BTBD9: variants seen among roughly 807,000 people sequenced by gnomAD.
The protein encoded by BTBD9 is BTB/POZ domain-containing protein 9.
BTBD9 carries 49 observed loss-of-function variants against 64.3 expected under a neutral mutation model. The observed-to-expected ratio is 0.76, with a 90% confidence interval of 0.61 to 0.97. The LOEUF is 0.97. BTBD9 is among the 50% of genes least tolerant of loss of function. The pLI is 0.00. For missense variants in BTBD9, 598 were observed against 762.1 expected, an observed-to-expected ratio of 0.78 and a Z score of 2.53; for synonymous variants, 260 against 274.7, an observed-to-expected ratio of 0.95 and a Z score of 0.53.
chr6:38,285,666 C>T (rs941603238), intron 8 of BTBD9, among the ~76,000 whole-genome samples: 3 of 152,070 alleles, frequency 2.0e-5, no homozygotes, highest in Non-Finnish European at 2.9e-5. Context: ...TCAGAACAAA[C>T]ATAATAAAGA....
At chr6:38,328,050 T>A (rs1763509993) in intron 7 of BTBD9, among the ~76,000 whole-genome samples, 1 of 152,226 alleles carries the variant, frequency 6.6e-6, no homozygotes. Flanking sequence ...ATAACTTTTT[T>A]AAAATTAACT....
chr6:38,560,354 A>G (rs1775211771), intron 6 of BTBD9, among the ~76,000 whole-genome samples: 1 of 152,178 alleles, frequency 6.6e-6, no homozygotes, highest in Non-Finnish European at 1.5e-5. Context: ...AATCAAAACC[A>G]CAATGCGATA....
chr6:38,323,555 C>T (rs1417467742), intron 7 of BTBD9, among the ~76,000 whole-genome samples: 3 of 152,078 alleles, frequency 2.0e-5, no homozygotes, highest in Non-Finnish European at 1.5e-5. Flanking sequence ...TGTTTTGTGG[C>T]AAAAATTTAG....
rs987600965 is a variant in BTBD9 at position 38,174,689 on chromosome 6, T to C, written c.*296A>G. 1 of 418,654 alleles carries C rather than the reference T, an allele frequency of 2.4e-6. No homozygotes were observed. Among genetic ancestry groups the C allele is most frequent in the Admixed American group, 4.1e-5 (1 of 24,684 alleles). The allele number at this position is 418,654 out of a possible 1,614,324, so 25.9% of individuals were successfully genotyped here. On this transcript the variant is annotated 3_prime_UTR_variant, in exon 11 of 11. Transcript: ENST00000481247. ...CAGGCCTGTCTATGACTTCCTCCTGTTCCCTGCGCCTGGGCTAGATTAGAG... is the reference window on the plus strand; with the variant it reads ...CAGGCCTGTCTATGACTTCCTCCTGCTCCCTGCGCCTGGGCTAGATTAGAG...
intron 6 of BTBD9, among the ~76,000 whole-genome samples, chr6:38,534,749 C>A (rs1773947984): frequency 6.6e-6 from 1 of 152,016 alleles, no homozygotes; most frequent in African/African-American, 2.4e-5. Flanking sequence ...TACATCATAT[C>A]AACAGAATGA....
At chr6:38,268,430 G>T (rs1015749542) in intron 8 of BTBD9, among the ~76,000 whole-genome samples, 10 of 152,126 alleles carry the variant, frequency 6.6e-5, no homozygotes, top group African/African-American at 2.4e-4. Flanking sequence ...GTATTCTCTT[G>T]ACCTGGTGAT....
At chr6:38,441,384 T>C (rs964180605) in intron 6 of BTBD9, among the ~76,000 whole-genome samples, 1 of 152,064 alleles carries the variant, frequency 6.6e-6, no homozygotes, top group East Asian at 1.9e-4. Context: ...TGAGATGCTA[T>C]AGAGAGTTAC....
chr6:38,545,332 T>A (rs1774484302), intron 6 of BTBD9, among the ~76,000 whole-genome samples: 2 of 152,112 alleles, frequency 1.3e-5, no homozygotes, highest in East Asian at 3.9e-4. Context: ...CTCTGGTGAT[T>A]ACAGGCGTGA....
intron 8 of BTBD9, among the ~76,000 whole-genome samples, chr6:38,287,396 C>T (rs1761784050): frequency 6.6e-6 from 1 of 152,080 alleles, no homozygotes; most frequent in Admixed American, 6.5e-5. Flanking sequence ...CCGCCCACCT[C>T]CGCCTCCCAA....
At chr6:38,261,832 A>G (rs892139121) in intron 8 of BTBD9, among the ~76,000 whole-genome samples, 1 of 152,194 alleles carries the variant, frequency 6.6e-6, no homozygotes. Context: ...TCCTGAGTGG[A>G]AAAGGGACAC....
At chr6:38,351,328 C>CTA (rs1764497066) in intron 6 of BTBD9, among the ~76,000 whole-genome samples, 1 of 152,146 alleles carries the variant, frequency 6.6e-6, no homozygotes, top group African/African-American at 2.4e-5. Flanking sequence ...GCAAAGGGAG[C>CTA]TATCATGTCC....
chr6:38,319,631 C>CG (rs1763160322), intron 7 of BTBD9, among the ~76,000 whole-genome samples: 1 of 151,768 alleles, frequency 6.6e-6, no homozygotes, highest in Non-Finnish European at 1.5e-5. Context: ...TGCCCAGTGT[C>CG]CTATTCTACT....
At chr6:38,498,852 C>T (rs1019360566) in intron 6 of BTBD9, among the ~76,000 whole-genome samples, 4 of 152,280 alleles carry the variant, frequency 2.6e-5, no homozygotes, top group Middle Eastern at 3.4e-3. Flanking sequence ...CACAAAATTA[C>T]ATTCAAAACA....
chr6:38,577,587 A>C lies in BTBD9; in HGVS notation c.1154+13T>G. On this transcript the variant is annotated intron_variant, in intron 6 of 10. Transcript: ENST00000481247. ...TAAGAATAAAAATCATTTATTAACC[A>C]CTGAAAACTAACCTGCAGACACGGG... The C allele has an allele frequency of 6.3e-7, 1 of 1,593,418 alleles. No homozygotes were observed. The highest frequency in any genetic ancestry group is 8.5e-7 in the Non-Finnish European group (1 of 1,175,976).
chr6:38,350,898 T>A (rs7763775), intron 6 of BTBD9, among the ~76,000 whole-genome samples: 100,474 of 152,116 alleles, frequency 0.66, 34,554 homozygotes, highest in East Asian at 0.95. Context: ...GATACTAAGA[T>A]TATACACAAA....
chr6:38,448,096 C>T (rs536694895), intron 6 of BTBD9, among the ~76,000 whole-genome samples: 2 of 152,292 alleles, frequency 1.3e-5, no homozygotes, highest in East Asian at 1.9e-4. Flanking sequence ...AAGGGACATA[C>T]GGGAGGAACC....
intron 9 of BTBD9, among the ~76,000 whole-genome samples, chr6:38,238,219 C>A (rs1014983029): frequency 6.6e-6 from 1 of 152,180 alleles, no homozygotes; most frequent in African/African-American, 2.4e-5. Context: ...TGTGATACAA[C>A]CCTCAGGAGG....
chr6:38,296,763 C>G (rs924585280), intron 7 of BTBD9, among the ~76,000 whole-genome samples: 1 of 152,044 alleles, frequency 6.6e-6, no homozygotes, highest in African/African-American at 2.4e-5. Flanking sequence ...CTTTGACCCA[C>G]GAATTATTCA....
intron 6 of BTBD9, among the ~76,000 whole-genome samples, chr6:38,468,426 C>A (rs566610241): frequency 6.6e-6 from 1 of 152,314 alleles, no homozygotes; most frequent in African/African-American, 2.4e-5. Context: ...GTAACTTTTT[C>A]CAGAAATACA....
Sources: gnomAD v4.1 joint callset for allele counts (sites outside exome capture counted in the v4.1 genomes callset) on GRCh38, gnomAD v4.1.1 for gene constraint, MANE v1.5 for transcripts, NCBI Gene and HGNC (gene_info 2026-07-23, HGNC 2026-07-21) for gene names.